CDK14: variants seen among roughly 807,000 people sequenced by gnomAD.
CDK14 encodes the protein cyclin-dependent kinase 14.
In CDK14, 34 loss-of-function variants were observed where a neutral mutation model predicts 60.7. That is an observed-to-expected ratio of 0.56 (90% CI 0.43 to 0.75). CDK14 has a LOEUF of 0.75. Ranked by LOEUF, CDK14 falls within the 30% of genes least tolerant of loss-of-function variation. The pLI, the probability that CDK14 is intolerant of heterozygous loss-of-function variation, is 0.00. For synonymous variants in CDK14, 197 were observed against 203.7 expected, an observed-to-expected ratio of 0.97 and a Z score of 0.28; for missense variants, 482 against 564.1, an observed-to-expected ratio of 0.85 and a Z score of 1.47.
intron 3 of CDK14, among the ~76,000 whole-genome samples, chr7:90,738,997 G>C (rs539509203): frequency 6.6e-5 from 10 of 151,950 alleles, no homozygotes; most frequent in Non-Finnish European, 1.3e-4. Flanking sequence ...TTACAGATCA[G>C]ACCATTTCTG....
rs142096081 is a variant in CDK14, at chr7:91,015,308, A to G, written c.1042-30589A>G. 3.4e-4 allele frequency among the ~76,000 whole-genome samples: 52 copies of G among 152,148 alleles called. No homozygotes were observed. In the East Asian group the frequency reaches 5.4e-3, roughly 16 times the overall value. On this transcript the variant is annotated intron_variant, in intron 10 of 14. Coordinates refer to ENST00000380050, the MANE Select transcript of CDK14 (RefSeq NM_001287135.2). ...TTTCACTCCCTTACCCAAGTTCTGT[A>G]CATTCTTCACTGCTATGGGGTCTTT...
chr7:90,735,675 C>G (rs1387057367), intron 3 of CDK14, among the ~76,000 whole-genome samples: 2 of 152,214 alleles, frequency 1.3e-5, no homozygotes, highest in East Asian at 1.9e-4. Context: ...TCTCCCACCC[C>G]CACCTAGCTT....
intron 2 of CDK14, among the ~76,000 whole-genome samples, chr7:90,614,006 CTTTT>C (rs34900577): frequency 2.3e-5 from 3 of 130,800 alleles, no homozygotes; most frequent in Non-Finnish European, 3.2e-5. Flanking sequence ...GTCCCAAACA[CTTTT>C]TTTTTTTTTT....
At chr7:91,087,784 G>T (rs1189032194) in intron 12 of CDK14, among the ~76,000 whole-genome samples, 1 of 151,942 alleles carries the variant, frequency 6.6e-6, no homozygotes, top group Non-Finnish European at 1.5e-5. Context: ...CTTCTTAGGG[G>T]CACATGCTGA....
At chr7:90,669,737 T>A (rs1406687455) in intron 2 of CDK14, among the ~76,000 whole-genome samples, 5 of 151,988 alleles carry the variant, frequency 3.3e-5, no homozygotes, top group African/African-American at 7.2e-5. Flanking sequence ...TAGTTGTGAC[T>A]GTTATACAGA....
At chr7:90,624,172 C>T (rs1323550652) in intron 2 of CDK14, among the ~76,000 whole-genome samples, 1 of 152,150 alleles carries the variant, frequency 6.6e-6, no homozygotes, top group South Asian at 2.1e-4. Context: ...CTTCTGTTCT[C>T]ACAGTGGAGC....
Position 90,701,926 on chromosome 7 carries a change from G to A in CDK14, c.124-24641G>A, listed in dbSNP as rs531002584. The stretch of plus-strand genomic sequence containing the variant: ...TCTGAGTTGAGCTTCTTTACAGGTC[G>A]AGAGACACTGCCACTGGCTGCCTCT... On this transcript the variant is annotated intron_variant, in intron 2 of 14. Transcript: ENST00000380050. 7.2e-5 allele frequency among the ~76,000 whole-genome samples: 11 copies of A among 152,194 alleles called. No individual in the cohort carries two copies. In the South Asian group the frequency reaches 8.3e-4, roughly 12 times the overall value.
At chr7:90,652,329 A>G (rs1211225022) in intron 2 of CDK14, among the ~76,000 whole-genome samples, 4 of 152,228 alleles carry the variant, frequency 2.6e-5, no homozygotes, top group African/African-American at 4.8e-5. Context: ...TCAAATGAAC[A>G]TTTTATAGAC....
intron 2 of CDK14, among the ~76,000 whole-genome samples, chr7:90,683,026 T>A (rs1411286100): frequency 1.3e-5 from 2 of 152,152 alleles, no homozygotes; most frequent in African/African-American, 2.4e-5. Flanking sequence ...TTTATGCTAT[T>A]TTTTCCCCTT....
At chr7:91,087,681 C>T (rs1228416281) in intron 12 of CDK14, among the ~76,000 whole-genome samples, 2 of 152,244 alleles carry the variant, frequency 1.3e-5, no homozygotes, top group South Asian at 2.1e-4. Context: ...CCAGTGAGAG[C>T]GTTTCATTCA....
chr7:91,071,954 G>C (rs1798161331), intron 11 of CDK14, among the ~76,000 whole-genome samples: 1 of 152,180 alleles, frequency 6.6e-6, no homozygotes, highest in Non-Finnish European at 1.5e-5. Context: ...TCATGGGGAC[G>C]GGGCATCCCT....
intron 10 of CDK14, among the ~76,000 whole-genome samples, chr7:91,011,702 T>C (rs990179126): frequency 6.6e-6 from 1 of 152,172 alleles, no homozygotes; most frequent in African/African-American, 2.4e-5. Flanking sequence ...AGTTCAGTAA[T>C]CTGTTCTTCT....
intron 4 of CDK14, among the ~76,000 whole-genome samples, chr7:90,751,131 A>G (rs1436209439): frequency 1.3e-5 from 2 of 152,196 alleles, no homozygotes; most frequent in Non-Finnish European, 2.9e-5. Context: ...TCCCAGAAAA[A>G]TCCCCTAACC....
chr7:90,787,931 A>T (rs1172007678), intron 4 of CDK14, among the ~76,000 whole-genome samples: 4 of 152,110 alleles, frequency 2.6e-5, no homozygotes. Flanking sequence ...ACTTAGGGGG[A>T]ATCCATCTTT....
chr7:90,761,735 A>G (rs1174396943), intron 4 of CDK14, among the ~76,000 whole-genome samples: 1 of 152,200 alleles, frequency 6.6e-6, no homozygotes, highest in Admixed American at 6.5e-5. Context: ...TCCTGCAACA[A>G]AGAATTATTT....
At chr7:90,920,421 A>T (rs1243878908) in intron 8 of CDK14, among the ~76,000 whole-genome samples, 6 of 152,232 alleles carry the variant, frequency 3.9e-5, no homozygotes, top group Non-Finnish European at 1.5e-5. Flanking sequence ...TATTGAGTTT[A>T]TTCTATATGC....
chr7:90,893,792 G>A (rs1374275657), intron 6 of CDK14, among the ~76,000 whole-genome samples: 1 of 152,192 alleles, frequency 6.6e-6, no homozygotes, highest in African/African-American at 2.4e-5. Flanking sequence ...GGTGGAAAAT[G>A]TGACATTGTA....
At chr7:91,101,583 T>A (rs985700594) in intron 12 of CDK14, among the ~76,000 whole-genome samples, 4 of 152,198 alleles carry the variant, frequency 2.6e-5, no homozygotes, top group African/African-American at 9.7e-5. Flanking sequence ...GGAATCTCAT[T>A]ATTTTTTTTA....
chr7:91,008,127 C>CAAAAAAAAAAAAAAAAAAAAAAA (rs56082719), intron 10 of CDK14, among the ~76,000 whole-genome samples: 1 of 62,596 alleles, frequency 1.6e-5, no homozygotes, highest in African/African-American at 6.0e-5. Flanking sequence ...GGGAGAAGGC[C>CAAAAAAAAAAAAAAAAAAAAAAA]AAAAAAAAAA....
Sources: allele counts gnomAD v4.1 joint callset (sites outside exome capture counted in the v4.1 genomes callset), GRCh38; gene constraint gnomAD v4.1.1; transcripts MANE v1.5; gene names NCBI Gene and HGNC (gene_info 2026-07-23, HGNC 2026-07-21).